Variants in EHHADH observed in about 807,000 individuals in gnomAD.
EHHADH encodes peroxisomal bifunctional enzyme.
EHHADH carries 48 observed loss-of-function variants against 64.4 expected under a neutral mutation model. That is an observed-to-expected ratio of 0.75 (90% CI 0.59 to 0.95). The LOEUF (loss-of-function observed/expected upper bound fraction) is 0.95. Ranked by LOEUF, EHHADH falls within the 40% of genes least tolerant of loss-of-function variation. EHHADH has a pLI of 0.00. For synonymous variants in EHHADH, 308 were observed against 326.7 expected, an observed-to-expected ratio of 0.94 and a Z score of 0.62; for missense variants, 854 against 876.6, an observed-to-expected ratio of 0.97 and a Z score of 0.33.
intron 6 of EHHADH, among the ~76,000 whole-genome samples, chr3:185,198,106 A>C (rs13093563): frequency 0.11 from 17,251 of 151,178 alleles, 1,242 homozygotes; most frequent in Admixed American, 0.15. Context: ...CCCTGCTTTC[A>C]ATTCTTTGGG....
chr3:185,233,803 GCC>G (rs1161345846), intron 3 of EHHADH, among the ~76,000 whole-genome samples: 1 of 152,094 alleles, frequency 6.6e-6, no homozygotes, highest in African/African-American at 2.4e-5. Context: ...CTGCCAGCAT[GCC>G]CAGCTAATTT....
Position 185,216,651 on chromosome 3 carries a change from A to G in EHHADH, c.568+1485T>C, listed in dbSNP as rs187997917. ...TTCAAGCTTTTACTTTCACATTGAAACAGTAACTGGCTAGAGCCACAAAAA... is the reference window on the plus strand; with the variant it reads ...TTCAAGCTTTTACTTTCACATTGAAGCAGTAACTGGCTAGAGCCACAAAAA... On this transcript the variant is annotated intron_variant, in intron 5 of 6. Transcript: ENST00000231887. The surrounding 1 kb of genome is among the most constrained non-coding windows in gnomAD (Gnocchi z 5.3). Among the ~76,000 whole-genome samples, 308 of 152,306 alleles carry G rather than the reference A, an allele frequency of 2.0e-3. No individual in the cohort carries two copies. The highest frequency in any genetic ancestry group is 7.3e-3 in the African/African-American group (303 of 41,568).
At chr3:185,215,743 TAAAAC>T (rs1164826143) in intron 5 of EHHADH, among the ~76,000 whole-genome samples, 3 of 152,134 alleles carry the variant, frequency 2.0e-5, no homozygotes, top group Admixed American at 1.3e-4. Flanking sequence ...AGCTGGAGAA[TAAAAC>T]AAAACAAAAG....
intron 4 of EHHADH, 149 bp downstream of exon 4, chr3:185,229,283 A>G (rs900602904): frequency 7.3e-6 from 3 of 409,530 alleles, no homozygotes; most frequent in Non-Finnish European, 1.3e-5. Context: ...GTAGTTCTCC[A>G]TATTACAGAT....
chr3:185,240,226 T>C (rs552462474), intron 2 of EHHADH, among the ~76,000 whole-genome samples: 4 of 150,712 alleles, frequency 2.7e-5, no homozygotes, highest in African/African-American at 9.7e-5. Flanking sequence ...TAGTTTTTGT[T>C]TTTTTTTTTT....
At position 185,228,530 on chromosome 3, in the gene EHHADH, T is replaced by C. The variant is rs557007813; in HGVS notation, c.463+902A>G. Among the ~76,000 whole-genome samples, 4 of 150,294 alleles carry C rather than the reference T, an allele frequency of 2.7e-5. No individual in the cohort carries two copies. In the South Asian group the frequency reaches 8.5e-4, roughly 32 times the overall value. Reference sequence around the variant, plus strand: ...CCCGTCTCTACTAAAAGTACAAAATTAGCTGGGCATGGTAGCACATGCCTG... The same window carrying C: ...CCCGTCTCTACTAAAAGTACAAAATCAGCTGGGCATGGTAGCACATGCCTG... On this transcript the variant is annotated intron_variant, in intron 4 of 6. Coordinates refer to ENST00000231887, the MANE Select transcript of EHHADH (RefSeq NM_001966.4).
chr3:185,240,956 A>T (rs1719433279), intron 2 of EHHADH, among the ~76,000 whole-genome samples: 1 of 150,846 alleles, frequency 6.6e-6, no homozygotes, highest in Admixed American at 6.6e-5. Flanking sequence ...CCCTTGCCCC[A>T]CTCCCACCCT....
At chr3:185,246,556 A>G in intron 2 of EHHADH, 1 of 232,002 alleles carries the variant, frequency 4.3e-6, no homozygotes, top group South Asian at 8.4e-5. Context: ...AGGCTCTTGC[A>G]TCAGCCAAAG....
At chr3:185,237,540 C>T (rs1338289627) in intron 2 of EHHADH, among the ~76,000 whole-genome samples, 1 of 152,070 alleles carries the variant, frequency 6.6e-6, no homozygotes, top group African/African-American at 2.4e-5. Flanking sequence ...CTTTTTGTAC[C>T]TCATTTACTA....
chr3:185,237,696 A>G (rs534476032), intron 2 of EHHADH, among the ~76,000 whole-genome samples: 2 of 152,310 alleles, frequency 1.3e-5, no homozygotes, highest in East Asian at 3.9e-4. Flanking sequence ...CTAGGACAAA[A>G]GTGATATATT....
intron 6 of EHHADH, among the ~76,000 whole-genome samples, chr3:185,197,107 G>T (rs531635720): frequency 6.6e-6 from 1 of 152,224 alleles, no homozygotes; most frequent in African/African-American, 2.4e-5. Flanking sequence ...AAATAGATTC[G>T]TGGTTGCCAA....
intron 4 of EHHADH, among the ~76,000 whole-genome samples, chr3:185,221,231 A>C (rs182641664): frequency 6.6e-6 from 1 of 152,012 alleles, no homozygotes; most frequent in Admixed American, 6.6e-5. Context: ...AAATTTACAG[A>C]CTCATTTTAC....
At chr3:185,248,352 G>A (rs998013745) in intron 2 of EHHADH, 62 bp downstream of exon 2, 2 of 1,162,136 alleles carry the variant, frequency 1.7e-6, no homozygotes, top group Non-Finnish European at 2.6e-6. Flanking sequence ...AGCTAATGCA[G>A]TATTGGTCTC....
intron 5 of EHHADH, among the ~76,000 whole-genome samples, chr3:185,211,395 T>C (rs1718536107): frequency 6.6e-6 from 1 of 152,214 alleles, no homozygotes; most frequent in African/African-American, 2.4e-5. Flanking sequence ...ATGACATTTT[T>C]GATAAAAAAG....
At chr3:185,206,450 C>A (rs1422397537) in intron 5 of EHHADH, among the ~76,000 whole-genome samples, 3 of 152,120 alleles carry the variant, frequency 2.0e-5, no homozygotes, top group African/African-American at 7.2e-5. Flanking sequence ...AGATACAACA[C>A]CAAAAGCATG....
At chr3:185,196,517 G>A (rs1052138038) in intron 6 of EHHADH, among the ~76,000 whole-genome samples, 6 of 152,132 alleles carry the variant, frequency 3.9e-5, no homozygotes, top group Non-Finnish European at 8.8e-5. Context: ...GTGCACACCT[G>A]TAATCCCAGC....
At chr3:185,224,769 A>G (rs879375678) in intron 4 of EHHADH, among the ~76,000 whole-genome samples, 15 of 152,134 alleles carry the variant, frequency 9.9e-5, no homozygotes, top group Non-Finnish European at 1.8e-4. Flanking sequence ...AGCTGCTTAC[A>G]TTACTTGGCT....
At chr3:185,212,954 T>C (rs1397190022) in intron 5 of EHHADH, among the ~76,000 whole-genome samples, 1 of 151,708 alleles carries the variant, frequency 6.6e-6, no homozygotes, top group Non-Finnish European at 1.5e-5. Flanking sequence ...ACCCCGTCTC[T>C]ACTAAAAACA....
At chr3:185,203,118 C>T (rs545028885) in intron 6 of EHHADH, among the ~76,000 whole-genome samples, 1 of 151,922 alleles carries the variant, frequency 6.6e-6, no homozygotes, top group African/African-American at 2.4e-5. Context: ...AGAATAAGGG[C>T]TATAGACTAA....
Sources: allele counts gnomAD v4.1 joint callset (sites outside exome capture counted in the v4.1 genomes callset), GRCh38; gene constraint gnomAD v4.1.1; non-coding constraint Gnocchi (gnomAD v3.1); transcripts MANE v1.5; gene names NCBI Gene and HGNC (gene_info 2026-07-23, HGNC 2026-07-21).